NELL2: variants seen among roughly 807,000 people sequenced by gnomAD.
The protein encoded by NELL2 is neural EGFL like 2, also known as protein kinase C-binding protein NELL2.
Under a neutral mutation model 109.6 loss-of-function variants are expected in NELL2, and 41 were observed. The observed-to-expected ratio is 0.37, with a 90% CI of 0.29 to 0.49. The LOEUF is 0.49. Among genes scored for constraint, NELL2 ranks in the 20% least tolerant of loss-of-function variants. The probability of loss-of-function intolerance (pLI) is 0.98; values close to 1 mark genes in which losing one functional copy is unlikely to be tolerated. For synonymous variants in NELL2, 355 were observed against 344.7 expected (o/e 1.03, Z -0.33); for missense variants, 900 against 1,008.3 (o/e 0.89, Z 1.45).
chr12:44,803,150 T>A (rs1349101724), intron 3 of NELL2, among the ~76,000 whole-genome samples: 1 of 151,968 alleles, frequency 6.6e-6, no homozygotes, highest in Non-Finnish European at 1.5e-5. Context: ...AGACCCAGGG[T>A]GAGGCCCTAC....
At chr12:44,838,927 T>C (rs1024168960) in intron 2 of NELL2, among the ~76,000 whole-genome samples, 1 of 152,208 alleles carries the variant, frequency 6.6e-6, no homozygotes, top group East Asian at 1.9e-4. Flanking sequence ...TGAGAATACA[T>C]TGAACTACAA....
chr12:44,583,447 T>G (rs1944390659), intron 15 of NELL2, among the ~76,000 whole-genome samples: 1 of 152,190 alleles, frequency 6.6e-6, no homozygotes. Context: ...CCTTTTCAAC[T>G]AGGTCACTAC....
At chr12:44,904,533 C>T (rs1265897477) in intron 1 of NELL2, among the ~76,000 whole-genome samples, 2 of 152,038 alleles carry the variant, frequency 1.3e-5, no homozygotes, top group African/African-American at 4.8e-5. Flanking sequence ...ACAATGAAAG[C>T]CACATGATGG....
intron 13 of NELL2, among the ~76,000 whole-genome samples, chr12:44,622,019 G>A (rs138681577): frequency 6.6e-6 from 1 of 152,246 alleles, no homozygotes; most frequent in Non-Finnish European, 1.5e-5. Flanking sequence ...TCTTGAGAAA[G>A]AAAATGTTAG....
intron 3 of NELL2, among the ~76,000 whole-genome samples, chr12:44,796,963 A>T (rs1212266965): frequency 6.6e-6 from 1 of 152,096 alleles, no homozygotes; most frequent in African/African-American, 2.4e-5. Flanking sequence ...CCTAAGAAAG[A>T]GCACTTGGAG....
chr12:44,731,774 G>C (rs1376719312), intron 9 of NELL2, among the ~76,000 whole-genome samples: 4 of 152,022 alleles, frequency 2.6e-5, no homozygotes, highest in East Asian at 1.9e-4. Context: ...TAAATAAAAG[G>C]CATCCAAATT....
At chr12:44,555,275 G>A (rs1462391065) in intron 15 of NELL2, among the ~76,000 whole-genome samples, 1 of 152,144 alleles carries the variant, frequency 6.6e-6, no homozygotes, top group Admixed American at 6.5e-5. Context: ...TTTTCCCTCT[G>A]AATACAGTGC....
At chr12:44,743,306 A>G (rs1260105251) in intron 9 of NELL2, among the ~76,000 whole-genome samples, 3 of 152,226 alleles carry the variant, frequency 2.0e-5, no homozygotes, top group African/African-American at 4.8e-5. Context: ...AGGAAGCACT[A>G]AACATGGAAA....
At chr12:44,540,999 G>A (rs2218986) in intron 15 of NELL2, among the ~76,000 whole-genome samples, 86,358 of 151,048 alleles carry the variant, frequency 0.57, 24,948 homozygotes, top group East Asian at 0.72. Flanking sequence ...TAATCCCAAC[G>A]CTTTGGGAGG....
chr12:44,644,582 A>ATATATATATATATG (rs1946991227), intron 13 of NELL2, among the ~76,000 whole-genome samples: 1 of 68,422 alleles, frequency 1.5e-5, no homozygotes, highest in Admixed American at 1.5e-4. Flanking sequence ...AAAGTAAAGT[A>ATATATATATATATG]TATATATATA....
At chr12:44,527,751 T>C (rs1308420823) in intron 16 of NELL2, among the ~76,000 whole-genome samples, 1 of 152,122 alleles carries the variant, frequency 6.6e-6, no homozygotes, top group African/African-American at 2.4e-5. Context: ...TGTTTAGAAG[T>C]ATTATTTTTA....
intron 1 of NELL2, among the ~76,000 whole-genome samples, chr12:44,900,193 G>C (rs895361117): frequency 7.2e-5 from 11 of 152,038 alleles, no homozygotes; most frequent in Non-Finnish European, 1.5e-5. Context: ...CTCAATATTA[G>C]ACAGATCAAC....
At chr12:44,781,692 T>C (rs888283158) in intron 3 of NELL2, among the ~76,000 whole-genome samples, 1 of 151,564 alleles carries the variant, frequency 6.6e-6, no homozygotes, top group African/African-American at 2.4e-5. Flanking sequence ...AAAATTAGAG[T>C]GACAGTGTGT....
intron 3 of NELL2, among the ~76,000 whole-genome samples, chr12:44,784,507 G>C (rs1297908560): frequency 6.6e-6 from 1 of 152,018 alleles, no homozygotes; most frequent in Non-Finnish European, 1.5e-5. Flanking sequence ...AGGAAAAGAA[G>C]GACTCCTCCC....
chr12:44,860,280 T>G (rs1944799513), intron 2 of NELL2, among the ~76,000 whole-genome samples: 1 of 152,232 alleles, frequency 6.6e-6, no homozygotes, highest in African/African-American at 2.4e-5. Flanking sequence ...TGTTGCATAG[T>G]TAAATGAGAA....
chr12:44,811,427 G>A (rs905914540), intron 3 of NELL2, among the ~76,000 whole-genome samples: 2 of 151,122 alleles, frequency 1.3e-5, no homozygotes, highest in Non-Finnish European at 2.9e-5. Context: ...GGAAACTGAT[G>A]TAGGAAGAAA....
intron 2 of NELL2, among the ~76,000 whole-genome samples, chr12:44,871,063 C>T (rs1210259162): frequency 2.0e-5 from 3 of 152,134 alleles, no homozygotes; most frequent in Admixed American, 6.5e-5. Context: ...ACTTCCTCCA[C>T]GTTCTCAAAT....
chr12:44,876,690 G>C, upstream of NELL2: 1 of 1,550,382 alleles, frequency 6.5e-7, no homozygotes, highest in Non-Finnish European at 8.7e-7. Flanking sequence ...AGCGAGTAGC[G>C]CTCGCCTGCC....
intron 2 of NELL2, among the ~76,000 whole-genome samples, chr12:44,827,843 T>C (rs1943764609): frequency 6.6e-6 from 1 of 152,208 alleles, no homozygotes. Flanking sequence ...GTGGGATTGC[T>C]AGATGTTATA....
Sources: allele counts gnomAD v4.1 joint callset (sites outside exome capture counted in the v4.1 genomes callset), GRCh38; gene constraint gnomAD v4.1.1; transcripts MANE v1.5; gene names NCBI Gene and HGNC (gene_info 2026-07-23, HGNC 2026-07-21).